The following SLC1A1 variants were observed in gnomAD, a reference collection of about 807,000 sequenced individuals.
SLC1A1 encodes excitatory amino acid transporter 3.
SLC1A1 carries 43 observed loss-of-function variants against 53.3 expected under a neutral mutation model. The observed-to-expected ratio is 0.81, with a 90% CI of 0.63 to 1.04. SLC1A1 has a LOEUF of 1.04. Ranked by LOEUF, SLC1A1 falls within the 50% of genes least tolerant of loss-of-function variation. SLC1A1 has a pLI of 0.00. For synonymous variants in SLC1A1, 307 were observed against 243.2 expected (o/e 1.26, Z -2.44); for missense variants, 748 against 664.9 (o/e 1.12, Z -1.37).
chr9:4,532,588 T>C (rs1173567965), intron 1 of SLC1A1, among the ~76,000 whole-genome samples: 1 of 152,178 alleles, frequency 6.6e-6, no homozygotes, highest in Non-Finnish European at 1.5e-5. Context: ...TACATCTGAT[T>C]GTTGTACCTG....
chr9:4,505,073 G>A (rs1345502816), intron 1 of SLC1A1, among the ~76,000 whole-genome samples: 3 of 109,924 alleles, frequency 2.7e-5, no homozygotes, highest in African/African-American at 1.0e-4. Flanking sequence ...TTGAGATACA[G>A]CCTCACTATG....
At chr9:4,525,025 A>C (rs951562588) in intron 1 of SLC1A1, among the ~76,000 whole-genome samples, 1 of 152,214 alleles carries the variant, frequency 6.6e-6, no homozygotes, top group African/African-American at 2.4e-5. Flanking sequence ...AACCAACCAT[A>C]GCAAGACCCA....
intron 10 of SLC1A1, among the ~76,000 whole-genome samples, chr9:4,577,507 G>T (rs1238850339): frequency 6.6e-6 from 1 of 152,136 alleles, no homozygotes; most frequent in Non-Finnish European, 1.5e-5. Flanking sequence ...ATGGAGTTTT[G>T]CTCTGTCGCC....
intron 1 of SLC1A1, among the ~76,000 whole-genome samples, chr9:4,523,248 C>A (rs1202688723): frequency 6.6e-6 from 1 of 152,102 alleles, no homozygotes; most frequent in African/African-American, 2.4e-5. Flanking sequence ...TGATTCCCAC[C>A]CCTGGACCTA....
chr9:4,556,850 T>C lies in SLC1A1; in HGVS notation c.233-4599T>C, dbSNP rs1043488542. On this transcript the variant is annotated intron_variant, in intron 2 of 11. Coordinates refer to ENST00000262352, the MANE Select transcript of SLC1A1 (RefSeq NM_004170.6). The surrounding 1 kb of genome is among the most constrained non-coding windows in gnomAD (Gnocchi z 4.1). ...GTATCATTTACTATATAACCAGATA[T>C]ACAGTTTGCGGTTTTAGAATTTCAG... Among the ~76,000 whole-genome samples the C allele has an allele frequency of 3.9e-5, 6 of 152,274 alleles. No homozygotes were observed. The highest frequency in any genetic ancestry group is 2.1e-4 in the South Asian group (1 of 4,828).
Position 4,556,351 on chromosome 9 carries a change from A to G in SLC1A1, c.233-5098A>G, listed in dbSNP as rs1818386039. On this transcript the variant is annotated intron_variant, in intron 2 of 11. Transcript: ENST00000262352. The surrounding 1 kb of genome is among the most constrained non-coding windows in gnomAD (Gnocchi z 4.1). ...TTTTATTATTACATTCAACAGAAATAAAGTTACTGTCCAATTACTATAAAC... is the reference window on the plus strand; with the variant it reads ...TTTTATTATTACATTCAACAGAAATGAAGTTACTGTCCAATTACTATAAAC... 6.6e-6 allele frequency among the ~76,000 whole-genome samples: 1 copy of G among 152,216 alleles called. No homozygotes were observed. The highest frequency in any genetic ancestry group is 2.4e-5 in the African/African-American group (1 of 41,462).
chr9:4,532,187 T>C (rs897988116), intron 1 of SLC1A1, among the ~76,000 whole-genome samples: 1 of 151,902 alleles, frequency 6.6e-6, no homozygotes, highest in South Asian at 2.1e-4. Context: ...TTACCAGCAA[T>C]GGAACAAAGC....
chr9:4,524,463 G>A (rs1368594132), intron 1 of SLC1A1, among the ~76,000 whole-genome samples: 1 of 152,124 alleles, frequency 6.6e-6, no homozygotes, highest in Non-Finnish European at 1.5e-5. Flanking sequence ...AATAAAAAGG[G>A]AACTCAAAGC....
In SLC1A1 at chr9:4,585,544, A is replaced by G. The variant is rs909040697; in HGVS notation, c.1561A>G (p.Thr521Ala). The G allele has an allele frequency of 5.3e-5, 85 of 1,614,082 alleles. No individual in the cohort carries two copies. In the Admixed American group the frequency reaches 1.4e-3, roughly 27 times the overall value. ...DKSDTISFTQ[T>A]SQF The stretch of plus-strand genomic sequence containing the variant: ...GTCTGACACCATCTCATTCACCCAG[A>G]CCTCACAGTTCTAGGGCCCCTGGCT... The change falls in exon 12 of 12, where the codon ACC (threonine) becomes GCC (alanine). Residue 521 changes from threonine (T) to alanine (A), a missense_variant. Transcript: ENST00000262352.
intron 1 of SLC1A1, among the ~76,000 whole-genome samples, chr9:4,493,513 G>A (rs1239800887): frequency 2.0e-5 from 3 of 152,042 alleles, no homozygotes; most frequent in African/African-American, 7.2e-5. Context: ...CCTCCCTTTT[G>A]GACTTTTCAG....
At chr9:4,503,235 C>G (rs1344132353) in intron 1 of SLC1A1, among the ~76,000 whole-genome samples, 4 of 151,798 alleles carry the variant, frequency 2.6e-5, no homozygotes, top group Admixed American at 6.6e-5. Context: ...CCTCAGAATC[C>G]TCGAAACTTT....
intron 7 of SLC1A1, 72 bp downstream of exon 7, chr9:4,572,460 G>A: frequency 7.4e-7 from 1 of 1,353,568 alleles, no homozygotes; most frequent in African/African-American, 1.4e-5. Flanking sequence ...GAAAGAAGAG[G>A]TTTTATGTTT....
chr9:4,565,763 A>G (rs1375591796), intron 4 of SLC1A1, among the ~76,000 whole-genome samples: 1 of 152,180 alleles, frequency 6.6e-6, no homozygotes, highest in Non-Finnish European at 1.5e-5. Flanking sequence ...ATATTAAAGA[A>G]TAAATAGTCT....
At chr9:4,581,566 G>C (rs1821100590) in intron 10 of SLC1A1, among the ~76,000 whole-genome samples, 1 of 152,198 alleles carries the variant, frequency 6.6e-6, no homozygotes, top group Non-Finnish European at 1.5e-5. Flanking sequence ...GTTTCCAAGA[G>C]GGATCAGCTG....
At chr9:4,540,381 A>T (rs1422825938) in intron 1 of SLC1A1, among the ~76,000 whole-genome samples, 1 of 152,148 alleles carries the variant, frequency 6.6e-6, no homozygotes, top group Non-Finnish European at 1.5e-5. Context: ...ATGGGTGAGG[A>T]TGCTAAAGGC....
Position 4,537,590 on chromosome 9 carries a change from AAAT to A in SLC1A1, c.92-6974_92-6972del, listed in dbSNP as rs1284082673. On this transcript the variant is annotated intron_variant, in intron 1 of 11. Coordinates refer to ENST00000262352, the MANE Select transcript of SLC1A1 (RefSeq NM_004170.6). ...CAAAAAAATAAAATAAAATAAAATAAAATAAAATAAAAAAAAAAAAAATCACAT... is the reference window on the plus strand; with the variant it reads ...CAAAAAAATAAAATAAAATAAAATAAAAAATAAAAAAAAAAAAAATCACAT... Among the ~76,000 whole-genome samples, 7 of 144,788 alleles carry A rather than the reference AAAT, an allele frequency of 4.8e-5. No individual in the cohort carries two copies. The South Asian group carries it at 1.3e-3, about 26-fold the overall frequency. 95.0% of individuals were successfully genotyped at this position (144,788 alleles called of 152,430 possible).
At chr9:4,554,746 T>G (rs1818219473) in intron 2 of SLC1A1, among the ~76,000 whole-genome samples, 1 of 152,228 alleles carries the variant, frequency 6.6e-6, no homozygotes, top group South Asian at 2.1e-4. Flanking sequence ...TCAGTGCCAT[T>G]GAAGGGTTAT....
Position 4,490,690 on chromosome 9 carries a change from C to A in SLC1A1, c.11C>A (p.Pro4Gln), listed in dbSNP as rs746899229. The A allele has an allele frequency of 6.2e-7, 1 of 1,612,670 alleles. No homozygotes were observed. Among genetic ancestry groups the A allele is most frequent in the Non-Finnish European group, 8.5e-7 (1 of 1,178,984 alleles). Residue 4 changes from proline (P) to glutamine (Q), a missense_variant, in exon 1 of 12, where the codon CCG (proline) becomes CAG (glutamine). Coordinates refer to ENST00000262352, the MANE Select transcript of SLC1A1 (RefSeq NM_004170.6). The stretch of plus-strand genomic sequence containing the variant: ...ATAGCGGCGACAGCCATGGGGAAAC[C>A]GGCGAGGAAAGGATGCGAGTGGAAG... MGK[P>Q]ARKGCEWKRF...
At chr9:4,500,630 G>C (rs1820600099) in intron 1 of SLC1A1, among the ~76,000 whole-genome samples, 1 of 152,100 alleles carries the variant, frequency 6.6e-6, no homozygotes. Flanking sequence ...GATTTAGAAA[G>C]AGTTAATACA....
Sources: gnomAD v4.1 joint callset for allele counts (sites outside exome capture counted in the v4.1 genomes callset) on GRCh38, gnomAD v4.1.1 for gene constraint, Gnocchi (gnomAD v3.1) non-coding constraint, MANE v1.5 for transcripts, NCBI Gene and HGNC (gene_info 2026-07-23, HGNC 2026-07-21) for gene names.